The following TRIM24 variants were observed in gnomAD, a reference collection of about 807,000 sequenced individuals.
The protein encoded by TRIM24 is transcription intermediary factor 1-alpha.
A neutral mutation model predicts 123.9 loss-of-function variants in TRIM24; 29 were observed. The ratio of observed to expected loss-of-function variants is 0.23; its 90% CI spans 0.17 to 0.32. TRIM24 has a LOEUF of 0.32. Ranked by LOEUF, TRIM24 falls within the 10% of genes least tolerant of loss-of-function variation. The probability of loss-of-function intolerance (pLI) is 1.00; values close to 1 mark genes in which losing one functional copy is unlikely to be tolerated. For missense variants in TRIM24, 932 were observed against 1,295.3 expected (o/e 0.72, Z 4.31); for synonymous variants, 456 against 461.1 (o/e 0.99, Z 0.14).
At chr7:138,481,837 T>C (rs79997203) in intron 1 of TRIM24, among the ~76,000 whole-genome samples, 3 of 152,062 alleles carry the variant, frequency 2.0e-5, no homozygotes, top group African/African-American at 7.2e-5. Context: ...AAAGAAAATA[T>C]TTTATTTTAA....
chr7:138,504,347 A>G lies in TRIM24; in HGVS notation c.422A>G (p.Asp141Gly), dbSNP rs138915587. The G allele has an allele frequency of 6.2e-7, 1 of 1,604,050 alleles. No individual in the cohort carries two copies. Among genetic ancestry groups the G allele is most frequent in the Non-Finnish European group, 8.5e-7 (1 of 1,175,812 alleles). The part of the protein sequence containing the change: ...SQECAERHII[D>G]NFFVKDTTEV... ...GAATGTGCAGAGAGACACATCATAG[A>G]TAACTTTTTTGTGAAGGACACTACT... The change falls in exon 2 of 19, where the codon GAT becomes GGT. Residue 141 changes from aspartate to glycine, a missense_variant. Coordinates refer to ENST00000343526, the MANE Select transcript of TRIM24 (RefSeq NM_015905.3).
chr7:138,529,153 C>A lies in TRIM24; in HGVS notation c.919C>A (p.Gln307Lys). 6.4e-7 allele frequency: 1 copy of A among 1,570,260 alleles called. No individual in the cohort carries two copies. The change falls in exon 6 of 19, where the codon CAG (glutamine) becomes AAG (lysine). Residue 307 changes from glutamine to lysine, a missense_variant. Physicochemically the swap from Gln to Lys is moderately conservative, Grantham distance 53 (BLOSUM62 1). Coordinates refer to ENST00000343526, the MANE Select transcript of TRIM24 (RefSeq NM_015905.3). ...AAATCAAAATCAAAAGCAGGTGGAA[C>A]AGGATATTAAAGTTGCTATATTTAC... Reference protein sequence around the residue: ...EVNQNQKQVEQDIKVAIFTLM... With the variant: ...EVNQNQKQVEKDIKVAIFTLM...
chr7:138,461,877 T>C (rs952253215), intron 1 of TRIM24, among the ~76,000 whole-genome samples: 1 of 152,172 alleles, frequency 6.6e-6, no homozygotes, highest in African/African-American at 2.4e-5. Context: ...GCTAATTAAG[T>C]AATTATGCTA....
At chr7:138,513,710 C>T (rs1046607625) in intron 2 of TRIM24, among the ~76,000 whole-genome samples, 25 of 152,198 alleles carry the variant, frequency 1.6e-4, no homozygotes, top group Admixed American at 1.6e-3. Context: ...TACAGTTCAG[C>T]ATGAGATTTG....
chr7:138,497,818 G>T (rs984214823), intron 1 of TRIM24, among the ~76,000 whole-genome samples: 1 of 147,010 alleles, frequency 6.8e-6, no homozygotes, highest in Non-Finnish European at 1.5e-5. Flanking sequence ...AGCCTCCCAA[G>T]TAGCTGGGAC....
rs888768794 is a variant in TRIM24, at chr7:138,462,364, G to T, written c.364+1452G>T. Among the ~76,000 whole-genome samples the T allele has an allele frequency of 4.9e-5, 7 of 142,074 alleles. No homozygotes were observed. The East Asian group carries it at 1.4e-3, about 29-fold the overall frequency. The allele number at this position is 142,074 out of a possible 152,430, so 93.2% of individuals were successfully genotyped here. A position where few individuals can be genotyped will look rare whatever the true frequency, so the allele number is the denominator to read the frequency against. On this transcript the variant is annotated intron_variant, in intron 1 of 18. Coordinates refer to ENST00000343526, the MANE Select transcript of TRIM24 (RefSeq NM_015905.3). ...TTTTTTTTTTTTTTTTTTTTGAGAC[G>T]GAGTCTCGCTCTGTCGCCCAGGCTG...
In TRIM24 at chr7:138,567,522, C is replaced by T. The variant is rs1486572787; in HGVS notation, c.1572C>T (p.Pro524=). The T allele has an allele frequency of 6.2e-7, 1 of 1,613,692 alleles. No individual in the cohort carries two copies. The highest frequency in any genetic ancestry group is 8.5e-7 in the Non-Finnish European group (1 of 1,179,852). The stretch of plus-strand genomic sequence containing the variant: ...TGATAAACTTTCAGAATCACAGCCC[C>T]AAACCCAATGGACCAGTTCTTCCTC... ...PRLINFQNHS[P]KPNGPVLPPH... Residue 524 remains proline, a synonymous_variant, in exon 10 of 19, where the codon CCC becomes CCT. Coordinates refer to ENST00000343526, the MANE Select transcript of TRIM24 (RefSeq NM_015905.3).
In TRIM24 at chr7:138,589,592, A is replaced by T. The variant is rs878946754; in HGVS notation, c.*4641A>T. 15 of 150,454 alleles carry T rather than the reference A, an allele frequency of 1.0e-4. No individual in the cohort carries two copies. Among genetic ancestry groups the T allele is most frequent in the Admixed American group, 2.6e-4 (4 of 15,146 alleles). The allele number at this position is 150,454 out of a possible 1,614,324, so 9.3% of individuals were successfully genotyped here. On this transcript the variant is annotated 3_prime_UTR_variant, in exon 19 of 19. Coordinates refer to ENST00000343526, the MANE Select transcript of TRIM24 (RefSeq NM_015905.3). ...GTATTTCACCAGCCTTAAAAGATTT[A>T]AAAAAAAATCTGACAGGAAGGAAAG... is the stretch of plus-strand genomic sequence containing the variant.
rs190257628 is a variant in TRIM24, at chr7:138,522,134, A to G, written c.764+2813A>G. Among the ~76,000 whole-genome samples, 20 of 152,178 alleles carry G rather than the reference A, an allele frequency of 1.3e-4. No individual in the cohort carries two copies. The East Asian group carries it at 2.9e-3, about 22-fold the overall frequency. ...CTCTAAAAAATAAGTAAGTAAGTAA[A>G]TAAATAAATAACAAAACAAGCAGAC... On this transcript the variant is annotated intron_variant, in intron 4 of 18. Transcript: ENST00000343526.
At chr7:138,551,559 T>C (rs1162313999) in intron 8 of TRIM24, among the ~76,000 whole-genome samples, 1 of 152,218 alleles carries the variant, frequency 6.6e-6, no homozygotes, top group Non-Finnish European at 1.5e-5. Flanking sequence ...ATGTATATGG[T>C]AACAAATATA....
intron 2 of TRIM24, among the ~76,000 whole-genome samples, chr7:138,509,848 G>C (rs551600600): frequency 1.3e-5 from 2 of 152,226 alleles, no homozygotes; most frequent in Non-Finnish European, 2.9e-5. Flanking sequence ...AATGCAAAAG[G>C]ATGGAATTAT....
At chr7:138,578,530 TTTTGTG>T (rs1022796487) in intron 14 of TRIM24, among the ~76,000 whole-genome samples, 2 of 94,384 alleles carry the variant, frequency 2.1e-5, no homozygotes, top group African/African-American at 8.7e-5. Context: ...GTGGTGGTGG[TTTTGTG>T]TGTGTGTGTG....
chr7:138,522,514 T>C (rs1796524685), intron 4 of TRIM24, among the ~76,000 whole-genome samples: 1 of 152,180 alleles, frequency 6.6e-6, no homozygotes, highest in South Asian at 2.1e-4. Context: ...AATGAAATTC[T>C]TGTGATAACT....
At chr7:138,524,147 A>G (rs1339186012) in intron 4 of TRIM24, among the ~76,000 whole-genome samples, 1 of 152,240 alleles carries the variant, frequency 6.6e-6, no homozygotes, top group Non-Finnish European at 1.5e-5. Context: ...TCTCAATAGA[A>G]GCAGTAGAAA....
At position 138,579,293 on chromosome 7, in the gene TRIM24, C is replaced by T; in HGVS notation, c.2346C>T (p.Ala782=). 2 of 1,614,020 alleles carry T rather than the reference C, an allele frequency of 1.2e-6. No individual in the cohort carries two copies. Among genetic ancestry groups the T allele is most frequent in the African/African-American group, 2.7e-5 (2 of 75,006 alleles). ...TSEETVLRSD[A]PDSTGDQPGL... The stretch of plus-strand genomic sequence containing the variant: ...AGGAGACTGTGCTAAGATCAGATGC[C>T]CCTGATAGTACAGGAGATCAACCTG... Residue 782 remains alanine, a synonymous_variant, in exon 15 of 19, where the codon GCC becomes GCT. Coordinates refer to ENST00000343526, the MANE Select transcript of TRIM24 (RefSeq NM_015905.3).
At chr7:138,539,283 G>T (rs893444447) in intron 7 of TRIM24, among the ~76,000 whole-genome samples, 3 of 152,096 alleles carry the variant, frequency 2.0e-5, no homozygotes, top group Non-Finnish European at 4.4e-5. Context: ...CATGACCTGA[G>T]CCTGTGTTCT....
At chr7:138,524,232 C>T (rs1796564379) in intron 4 of TRIM24, among the ~76,000 whole-genome samples, 1 of 152,020 alleles carries the variant, frequency 6.6e-6, no homozygotes, top group Non-Finnish European at 1.5e-5. Context: ...ACTTCCTAAA[C>T]CTGATAAAGA....
At chr7:138,533,738 T>A (rs972857771) in intron 6 of TRIM24, among the ~76,000 whole-genome samples, 31 of 152,208 alleles carry the variant, frequency 2.0e-4, no homozygotes, top group African/African-American at 7.5e-4. Flanking sequence ...ATAAAATGAG[T>A]TAGGGAGGAT....
chr7:138,491,287 TC>T (rs1205797783), intron 1 of TRIM24: 5 of 221,884 alleles, frequency 2.3e-5, no homozygotes, highest in African/African-American at 4.6e-5. Context: ...TACCAATCTT[TC>T]TAAGAAAATG....
Sources: gnomAD v4.1 joint callset for allele counts (sites outside exome capture counted in the v4.1 genomes callset) on GRCh38, gnomAD v4.1.1 for gene constraint, MANE v1.5 for transcripts, NCBI Gene and HGNC (gene_info 2026-07-23, HGNC 2026-07-21) for gene names.